MAPKAPK5: variants seen among roughly 807,000 people sequenced by gnomAD.
MAPKAPK5 encodes the protein MAPK activated protein kinase 5, also known as MAP kinase-activated protein kinase 5.
In MAPKAPK5, 30 loss-of-function variants were observed where a neutral mutation model predicts 65.1. The ratio of observed to expected loss-of-function variants is 0.46; its 90% CI spans 0.34 to 0.63. MAPKAPK5 has a LOEUF of 0.63. Among genes scored for constraint, MAPKAPK5 ranks in the 20% least tolerant of loss-of-function variants. MAPKAPK5 has a pLI of 0.01. For missense variants in MAPKAPK5, 433 were observed against 581.4 expected, an observed-to-expected ratio of 0.74 and a Z score of 2.63; for synonymous variants, 179 against 204.6, an observed-to-expected ratio of 0.87 and a Z score of 1.07.
Position 111,901,849 on chromosome 12 carries a change from T to C in MAPKAPK5, c.*8788T>C, listed in dbSNP as rs2071077703. 6.5e-6 allele frequency: 1 copy of C among 154,372 alleles called. No individual in the cohort carries two copies. Among genetic ancestry groups the C allele is most frequent in the African/African-American group, 2.4e-5 (1 of 41,490 alleles). 9.6% of individuals were successfully genotyped at this position (154,372 alleles called of 1,614,324 possible). A position where few individuals can be genotyped will look rare whatever the true frequency, so the allele number is the denominator to read the frequency against. ...GTAGAAGGAAGGATTCTTTCACTTT[T>C]ATTATTTATTTTGGTAATTAAATTT... On this transcript the variant is annotated 3_prime_UTR_variant, in exon 14 of 14. Coordinates refer to ENST00000550735, the MANE Select transcript of MAPKAPK5 (RefSeq NM_003668.4).
chr12:111,859,003 A>T lies in MAPKAPK5; in HGVS notation c.37-6247A>T, dbSNP rs916493270. Among the ~76,000 whole-genome samples the T allele has an allele frequency of 9.5e-5, 14 of 147,316 alleles. 3 individuals carry two copies. The highest frequency in any genetic ancestry group is 3.5e-4 in the African/African-American group (14 of 39,706). On this transcript the variant is annotated intron_variant, in intron 1 of 13. Coordinates refer to ENST00000550735, the MANE Select transcript of MAPKAPK5 (RefSeq NM_003668.4). ...TTTTCTTTAATTCTTTGGACGTTTAAAATAGTTGCTTTTAAGTGCAACTAC... is the reference window on the plus strand; with the variant it reads ...TTTTCTTTAATTCTTTGGACGTTTATAATAGTTGCTTTTAAGTGCAACTAC...
chr12:111,847,378 A>G (rs1479409806), intron 1 of MAPKAPK5, among the ~76,000 whole-genome samples: 1 of 151,718 alleles, frequency 6.6e-6, no homozygotes, highest in Non-Finnish European at 1.5e-5. Flanking sequence ...ATAAGGTCAA[A>G]TGGCTGTAAG....
Position 111,900,545 on chromosome 12 carries a change from C to T in MAPKAPK5, c.*7484C>T. ...CCTGCCTATTTAACAAGCCACGGCC[C>T]AGGGGCCGCAAGCGTAGGGATTCTG... On this transcript the variant is annotated 3_prime_UTR_variant, in exon 14 of 14. Coordinates refer to ENST00000550735, the MANE Select transcript of MAPKAPK5 (RefSeq NM_003668.4). 2.2e-6 allele frequency: 1 copy of T among 456,104 alleles called. No homozygotes were observed. Among genetic ancestry groups the T allele is most frequent in the South Asian group, 1.5e-5 (1 of 64,558 alleles). The allele number at this position is 456,104 out of a possible 1,614,324, so 28.3% of individuals were successfully genotyped here. A position where few individuals can be genotyped will look rare whatever the true frequency, so the allele number is the denominator to read the frequency against.
chr12:111,900,558 C>T lies in MAPKAPK5; in HGVS notation c.*7497C>T, dbSNP rs1207586408. On this transcript the variant is annotated 3_prime_UTR_variant, in exon 14 of 14. Transcript: ENST00000550735. Reference sequence around the variant, plus strand: ...CAAGCCACGGCCCAGGGGCCGCAAGCGTAGGGATTCTGCCTGTGGAAATGG... The same window carrying T: ...CAAGCCACGGCCCAGGGGCCGCAAGTGTAGGGATTCTGCCTGTGGAAATGG... 1.1e-5 allele frequency: 5 copies of T among 455,988 alleles called. No homozygotes were observed. Among genetic ancestry groups the T allele is most frequent in the African/African-American group, 2.0e-5 (1 of 50,062 alleles). 28.2% of individuals were successfully genotyped at this position (455,988 alleles called of 1,614,324 possible).
In MAPKAPK5 at chr12:111,883,753, A is replaced by C. The variant is rs749728532; in HGVS notation, c.833A>C (p.Lys278Thr). 3 of 1,613,708 alleles carry C rather than the reference A, an allele frequency of 1.9e-6. No homozygotes were observed. The highest frequency in any genetic ancestry group is 2.5e-6 in the Non-Finnish European group (3 of 1,179,790). ...EEWSQISEMA[K>T]DVVRKLLKVK... Reference sequence around the variant, plus strand: ...TGGAGTCAGATCTCAGAGATGGCCAAAGATGTTGTGAGGAAGTGAGTTCAC... The same window carrying C: ...TGGAGTCAGATCTCAGAGATGGCCACAGATGTTGTGAGGAAGTGAGTTCAC... The change falls in exon 9 of 14, where the codon AAA becomes ACA. Residue 278 changes from lysine to threonine, a missense_variant. Transcript: ENST00000550735. The surrounding 1 kb of genome is among the most constrained non-coding windows in gnomAD (Gnocchi z 4.8).
At position 111,900,972 on chromosome 12, in the gene MAPKAPK5, G is replaced by A. The variant is rs1292595211; in HGVS notation, c.*7911G>A. 1 of 455,932 alleles carries A rather than the reference G, an allele frequency of 2.2e-6. No homozygotes were observed. The highest frequency in any genetic ancestry group is 4.4e-6 in the Non-Finnish European group (1 of 226,802). 28.2% of individuals were successfully genotyped at this position (455,932 alleles called of 1,614,324 possible). Reference sequence around the variant, plus strand: ...CAAAGGGGACCAATTTGGAAACTGTGGCATTTCTACCAGTCCTGGGTCACA... The same window carrying A: ...CAAAGGGGACCAATTTGGAAACTGTAGCATTTCTACCAGTCCTGGGTCACA... On this transcript the variant is annotated 3_prime_UTR_variant, in exon 14 of 14. Coordinates refer to ENST00000550735, the MANE Select transcript of MAPKAPK5 (RefSeq NM_003668.4).
At chr12:111,866,497 C>T (rs759462689) in intron 3 of MAPKAPK5, among the ~76,000 whole-genome samples, 1 of 152,190 alleles carries the variant, frequency 6.6e-6, no homozygotes, top group Non-Finnish European at 1.5e-5. Context: ...AGATTTACCT[C>T]AGTTTTGCTT....
rs2068750049 is a variant in MAPKAPK5, at chr12:111,842,641, G to A, written c.-93G>A. Reference sequence around the variant, plus strand: ...CTGCCCGTCGCCACGAGGCCCAGGGGCCCGAGTGCCGAGCCCTTTGCTCCC... The same window carrying A: ...CTGCCCGTCGCCACGAGGCCCAGGGACCCGAGTGCCGAGCCCTTTGCTCCC... On this transcript the variant is annotated 5_prime_UTR_variant, in exon 1 of 14. Transcript: ENST00000550735. The A allele has an allele frequency of 2.2e-6, 2 of 923,316 alleles. No homozygotes were observed. The highest frequency in any genetic ancestry group is 2.9e-6 in the Non-Finnish European group (2 of 688,174). The allele number at this position is 923,316 out of a possible 1,614,324, so 57.2% of individuals were successfully genotyped here.
intron 1 of MAPKAPK5, among the ~76,000 whole-genome samples, chr12:111,855,413 G>T (rs930034943): frequency 1.3e-5 from 2 of 152,030 alleles, no homozygotes; most frequent in African/African-American, 4.8e-5. Context: ...ATAAATTTCT[G>T]TTTCAGCACC....
intron 7 of MAPKAPK5, among the ~76,000 whole-genome samples, chr12:111,878,480 G>A (rs1253649609): frequency 6.6e-6 from 1 of 151,626 alleles, no homozygotes; most frequent in African/African-American, 2.4e-5. Flanking sequence ...GAGTGCAGTG[G>A]CGGATCTCAG....
At chr12:111,868,144 A>G (rs2069670865) in intron 4 of MAPKAPK5, among the ~76,000 whole-genome samples, 1 of 152,224 alleles carries the variant, frequency 6.6e-6, no homozygotes, top group Admixed American at 6.5e-5. Context: ...AGAAATCAAC[A>G]TTATTCTTTT....
intron 13 of MAPKAPK5, among the ~76,000 whole-genome samples, chr12:111,891,605 A>G (rs1015421959): frequency 6.8e-6 from 1 of 147,786 alleles, no homozygotes; most frequent in Non-Finnish European, 1.5e-5. Flanking sequence ...CATCCTGGCT[A>G]ACACGGTGAA....
chr12:111,857,985 A>C (rs572047796), intron 1 of MAPKAPK5, among the ~76,000 whole-genome samples: 3 of 151,802 alleles, frequency 2.0e-5, no homozygotes, highest in Non-Finnish European at 4.4e-5. Context: ...TGCAACCTCA[A>C]TCTCCTGGGC....
At chr12:111,882,560 T>C (rs2070273211) in intron 8 of MAPKAPK5, among the ~76,000 whole-genome samples, 1 of 152,192 alleles carries the variant, frequency 6.6e-6, no homozygotes, top group Admixed American at 6.5e-5. Context: ...TTGAAGCCTC[T>C]GCAAACCCAG....
intron 1 of MAPKAPK5, among the ~76,000 whole-genome samples, chr12:111,845,956 A>G (rs1046567047): frequency 6.6e-6 from 1 of 152,154 alleles, no homozygotes; most frequent in Non-Finnish European, 1.5e-5. Context: ...CAAGAGCTCA[A>G]TGAATATTAG....
At chr12:111,859,131 T>A (rs2069343779) in intron 1 of MAPKAPK5, among the ~76,000 whole-genome samples, 1 of 147,784 alleles carries the variant, frequency 6.8e-6, no homozygotes, top group Non-Finnish European at 1.5e-5. Flanking sequence ...GTCTAGTAAT[T>A]TTGGTTGAAA....
At chr12:111,887,778 A>G (rs1411432182) in intron 10 of MAPKAPK5, 2 of 151,602 alleles carry the variant, frequency 1.3e-5, no homozygotes, top group African/African-American at 2.4e-5. Context: ...GAGGTAATCT[A>G]TGGCTTGATG....
Position 111,842,755 on chromosome 12 carries a change from G to A in MAPKAPK5, c.22G>A (p.Asp8Asn). ...GAGTATGTCGGAGGAGAGCGACATG[G>A]ACAAAGCCATCAAGGTAAGGGGGAG... is the stretch of plus-strand genomic sequence containing the variant. Reference protein sequence around the residue: MSEESDMDKAIKETSILE... With the variant: MSEESDMNKAIKETSILE... The change falls in exon 1 of 14, where the codon GAC becomes AAC. Residue 8 changes from aspartate (D) to asparagine (N), a missense_variant. Asp to Asn is a conservative substitution (Grantham distance 23, BLOSUM62 1). This residue lies in a region of MAPKAPK5 where 165 missense variants were observed against 180.0 expected (regional missense o/e 0.92). Transcript: ENST00000550735. The A allele has an allele frequency of 4.5e-6, 6 of 1,344,638 alleles. No homozygotes were observed. Among genetic ancestry groups the A allele is most frequent in the Non-Finnish European group, 5.8e-6 (6 of 1,040,530 alleles). 83.3% of individuals were successfully genotyped at this position (1,344,638 alleles called of 1,614,324 possible).
chr12:111,888,777 T>G (rs2070500460), intron 11 of MAPKAPK5, 108 bp from the exon 12 acceptor site: 1 of 1,516,114 alleles, frequency 6.6e-7, no homozygotes, highest in African/African-American at 1.4e-5. Context: ...TTGGACACTA[T>G]TGTTATTTTT....
Sources: gnomAD v4.1 joint callset for allele counts (sites outside exome capture counted in the v4.1 genomes callset) on GRCh38, gnomAD v4.1.1 for gene constraint, gnomAD v4.1.1 regional missense constraint, Gnocchi (gnomAD v3.1) non-coding constraint, MANE v1.5 for transcripts, NCBI Gene and HGNC (gene_info 2026-07-23, HGNC 2026-07-21) for gene names.